The following ADNP variants were observed in gnomAD, a reference collection of about 807,000 sequenced individuals.
The protein encoded by ADNP is activity dependent neuroprotector homeobox, also known as activity-dependent neuroprotector homeobox protein.
In ADNP, 4 loss-of-function variants were observed where a neutral mutation model predicts 84.9. The observed-to-expected ratio is 0.05, with a 90% confidence interval of 0.02 to 0.11. The LOEUF (loss-of-function observed/expected upper bound fraction) is 0.11. Ranked by LOEUF, ADNP falls within the 10% of genes least tolerant of loss-of-function variation. ADNP has a pLI of 1.00. For synonymous variants in ADNP, 554 were observed against 468.1 expected, an observed-to-expected ratio of 1.18 and a Z score of -2.37; for missense variants, 1,132 against 1,326.0, an observed-to-expected ratio of 0.85 and a Z score of 2.27.
chr20:50,913,684 A>AT, intron 2 of ADNP: 1 of 286,852 alleles, frequency 3.5e-6, no homozygotes, highest in Non-Finnish European at 7.0e-6. Flanking sequence ...ACCTGTTAAG[A>AT]TAAAAACTAA....
At chr20:50,921,550 T>C (rs1983955814) in intron 2 of ADNP, among the ~76,000 whole-genome samples, 1 of 152,366 alleles carries the variant, frequency 6.6e-6, no homozygotes, top group South Asian at 2.1e-4. Flanking sequence ...TGCCCACAAC[T>C]GGAAAACTGC....
chr20:50,904,020 T>G lies in ADNP; in HGVS notation c.-5-19A>C. The G allele has an allele frequency of 6.3e-7, 1 of 1,577,492 alleles. No individual in the cohort carries two copies. The highest frequency in any genetic ancestry group is 1.1e-5 in the South Asian group (1 of 89,568). On this transcript the variant is annotated intron_variant, in intron 3 of 5. Coordinates refer to ENST00000621696, the MANE Select transcript of ADNP (RefSeq NM_001282531.3). ...ATAGTTTCTATTGGAAAAAAAAATTTAAGTCAAAGTCAAAACACGTACAAC... is the reference window on the plus strand; with the variant it reads ...ATAGTTTCTATTGGAAAAAAAAATTGAAGTCAAAGTCAAAACACGTACAAC...
chr20:50,891,651 A>G lies in ADNP; in HGVS notation c.3063T>C (p.Gly1021=). The change falls in exon 6 of 6, where the codon GGT becomes GGC. Residue 1021 remains glycine, a synonymous_variant. Coordinates refer to ENST00000621696, the MANE Select transcript of ADNP (RefSeq NM_001282531.3). ...PAAKKKATMQ[G]DREQLKWKNS... ...TCTTCCATTTCAACTGCTCTCTGTC[A>G]CCTTGCATGGTAGCCTTTTTTTTGG... The G allele has an allele frequency of 6.2e-7, 1 of 1,614,118 alleles. No homozygotes were observed. Among genetic ancestry groups the G allele is most frequent in the Non-Finnish European group, 8.5e-7 (1 of 1,180,018 alleles).
chr20:50,929,859 G>C (rs1984546962), intron 1 of ADNP, among the ~76,000 whole-genome samples: 1 of 152,144 alleles, frequency 6.6e-6, no homozygotes, highest in South Asian at 2.1e-4. Context: ...GCCTTTGTCT[G>C]TGAAATGGGG....
intron 3 of ADNP, 47 bp downstream of exon 3, chr20:50,904,719 C>T (rs1286353438): frequency 6.6e-6 from 1 of 152,156 alleles, no homozygotes; most frequent in Non-Finnish European, 1.5e-5. Context: ...AGTGTTAGTG[C>T]TTTTCTCATT....
chr20:50,920,086 G>C (rs559728186), intron 2 of ADNP, among the ~76,000 whole-genome samples: 25 of 150,962 alleles, frequency 1.7e-4, no homozygotes, highest in African/African-American at 6.1e-4. Context: ...AGACCAGCCT[G>C]GCGAATATGG....
At chr20:50,901,886 T>C (rs1165367745) in intron 5 of ADNP, 131 bp downstream of exon 5, 1 of 781,136 alleles carries the variant, frequency 1.3e-6, no homozygotes, top group South Asian at 1.5e-5. Context: ...CAGGAAAATA[T>C]GAAATGCAAT....
chr20:50,889,712 T>A lies in ADNP; in HGVS notation c.*1693A>T, dbSNP rs1568697328. The A allele has an allele frequency of 5.1e-6, 2 of 393,506 alleles. No individual in the cohort carries two copies. The highest frequency in any genetic ancestry group is 9.0e-6 in the Non-Finnish European group (2 of 223,416). 24.4% of individuals were successfully genotyped at this position (393,506 alleles called of 1,614,324 possible). A position where few individuals can be genotyped will look rare whatever the true frequency, so the allele number is the denominator to read the frequency against. Reference sequence around the variant, plus strand: ...CATGGATTGGAGTTTCCCATCATTGTTTTAATTGCTGGAAATGTTGGCCTA... The same window carrying A: ...CATGGATTGGAGTTTCCCATCATTGATTTAATTGCTGGAAATGTTGGCCTA... On this transcript the variant is annotated 3_prime_UTR_variant, in exon 6 of 6. Transcript: ENST00000621696.
chr20:50,910,010 T>C (rs750433154), intron 2 of ADNP, among the ~76,000 whole-genome samples: 3 of 152,228 alleles, frequency 2.0e-5, no homozygotes, highest in Non-Finnish European at 2.9e-5. Context: ...TTATCGTTTC[T>C]GCCTAAGCTA....
rs875068 is a variant in ADNP at position 50,889,658 on chromosome 20, C to G, written c.*1747G>C. The G allele has an allele frequency of 0.41, 157,059 of 383,220 alleles. 34,337 individuals are homozygous for G. The highest frequency in any genetic ancestry group is 0.68 in the African/African-American group (32,902 of 48,398). The allele number at this position is 383,220 out of a possible 1,614,324, so 23.7% of individuals were successfully genotyped here. On this transcript the variant is annotated 3_prime_UTR_variant, in exon 6 of 6. Transcript: ENST00000621696. ...AGCCACTTCAGACTTCTTTAGGCCA[C>G]TATCCTTGAGGTGACTGACCAGCCT... is the stretch of plus-strand genomic sequence containing the variant.
intron 2 of ADNP, among the ~76,000 whole-genome samples, chr20:50,928,085 A>G (rs1984406997): frequency 1.3e-5 from 2 of 152,232 alleles, no homozygotes; most frequent in Admixed American, 1.3e-4. Flanking sequence ...TACCTGTACC[A>G]AAGGGCCTCC....
chr20:50,930,039 T>A lies in ADNP; in HGVS notation c.-265+787A>T, dbSNP rs913682710. Among the ~76,000 whole-genome samples the A allele has an allele frequency of 2.0e-5, 3 of 151,064 alleles. No homozygotes were observed. In the East Asian group the frequency reaches 5.8e-4, roughly 29 times the overall value. On this transcript the variant is annotated intron_variant, in intron 1 of 5. Coordinates refer to ENST00000621696, the MANE Select transcript of ADNP (RefSeq NM_001282531.3). ...CTTTTCCAGCAGACAGGGATCAAGG[T>A]TGGGGGGGAGGGGAAGGCAGGCAGG... is the stretch of plus-strand genomic sequence containing the variant.
chr20:50,909,913 T>C (rs1982877322), intron 2 of ADNP: 2 of 152,298 alleles, frequency 1.3e-5, no homozygotes, highest in East Asian at 1.9e-4. Context: ...ACAATTCCTA[T>C]TGATATTGTT....
chr20:50,899,197 G>C, intron 5 of ADNP, among the ~76,000 whole-genome samples: 1 of 140,956 alleles, frequency 7.1e-6, no homozygotes, highest in East Asian at 2.1e-4. Context: ...TGGTAATGAG[G>C]TTTTTTTTTT....
chr20:50,924,545 G>A (rs550130461), intron 2 of ADNP, among the ~76,000 whole-genome samples: 3 of 152,322 alleles, frequency 2.0e-5, no homozygotes, highest in East Asian at 1.9e-4. Context: ...GTATGTGGTA[G>A]TGCCTTGATT....
At chr20:50,914,507 A>G (rs1414345957) in intron 2 of ADNP, 5 of 303,148 alleles carry the variant, frequency 1.6e-5, no homozygotes, top group Non-Finnish European at 2.6e-5. Context: ...TCTCACCTTC[A>G]AAGTCTTATA....
At position 50,893,851 on chromosome 20, in the gene ADNP, C is replaced by T; in HGVS notation, c.863G>A (p.Gly288Asp). Residue 288 changes from glycine to aspartate, a missense_variant, in exon 6 of 6, where the codon GGT (glycine) becomes GAT (aspartate). Physicochemically the swap from Gly to Asp is moderately conservative, Grantham distance 94. Around this residue, in one of 10 missense-constraint regions of ADNP, gnomAD observed 239 missense variants for 213.2 expected, o/e 1.12. Coordinates refer to ENST00000621696, the MANE Select transcript of ADNP (RefSeq NM_001282531.3). This position sits in a 1 kb window ranked among gnomAD's most constrained non-coding sequence, Gnocchi z 4.4. Reference protein sequence around the residue: ...KKSMGLPPRIGSLASGNVRSL... With the variant: ...KKSMGLPPRIDSLASGNVRSL... ...CCGGACATTTCCAGAAGCAAGGGAACCGATCCTTGGTGGGAGTCCCATGCT... is the reference window on the plus strand; with the variant it reads ...CCGGACATTTCCAGAAGCAAGGGAATCGATCCTTGGTGGGAGTCCCATGCT... 6.2e-7 allele frequency: 1 copy of T among 1,614,186 alleles called. No homozygotes were observed. The highest frequency in any genetic ancestry group is 8.5e-7 in the Non-Finnish European group (1 of 1,180,040).
intron 5 of ADNP, among the ~76,000 whole-genome samples, chr20:50,896,586 ATTTT>A (rs112277443): frequency 6.6e-6 from 1 of 152,064 alleles, no homozygotes; most frequent in Non-Finnish European, 1.5e-5. Context: ...CTTTAAAAAC[ATTTT>A]TTTTCTTAAA....
intron 2 of ADNP, among the ~76,000 whole-genome samples, chr20:50,928,077 C>T (rs1341035352): frequency 6.6e-6 from 1 of 152,160 alleles, no homozygotes; most frequent in Non-Finnish European, 1.5e-5. Flanking sequence ...TAGTCAAATA[C>T]CTGTACCAAA....
Sources: allele counts gnomAD v4.1 joint callset (sites outside exome capture counted in the v4.1 genomes callset), GRCh38; gene constraint gnomAD v4.1.1; regional missense constraint gnomAD v4.1.1; non-coding constraint Gnocchi (gnomAD v3.1); transcripts MANE v1.5; gene names NCBI Gene and HGNC (gene_info 2026-07-23, HGNC 2026-07-21).